Variants in CDH17 observed in about 807,000 individuals in gnomAD.
The protein encoded by CDH17 is cadherin-17.
Under a neutral mutation model 86.3 loss-of-function variants are expected in CDH17, and 67 were observed. That is an observed-to-expected ratio of 0.78 (90% CI 0.64 to 0.95). The LOEUF is 0.95. CDH17 is among the 40% of genes least tolerant of loss of function. The pLI is 0.00. For synonymous variants in CDH17, 367 were observed against 366.4 expected (o/e 1.00, Z -0.02); for missense variants, 993 against 1,017.6 (o/e 0.98, Z 0.33).
chr8:94,149,492 G>A (rs958983797), intron 13 of CDH17, among the ~76,000 whole-genome samples: 2 of 152,152 alleles, frequency 1.3e-5, no homozygotes, highest in Non-Finnish European at 2.9e-5. Context: ...AACAGAGGGG[G>A]CCCTATGGAA....
intron 3 of CDH17, among the ~76,000 whole-genome samples, chr8:94,185,059 A>C (rs1305415651): frequency 1.3e-5 from 2 of 152,102 alleles, no homozygotes; most frequent in Non-Finnish European, 2.9e-5. Flanking sequence ...AGATGGAGAG[A>C]GCAAAATGTG....
At chr8:94,168,307 T>TTC (rs1180375438) in intron 9 of CDH17, among the ~76,000 whole-genome samples, 1 of 146,858 alleles carries the variant, frequency 6.8e-6, no homozygotes, top group Non-Finnish European at 1.5e-5. Flanking sequence ...TGCAGTTTTT[T>TTC]TTTTTTTTTT....
intron 15 of CDH17, 32 bp from the exon 16 acceptor site, chr8:94,131,024 A>C: frequency 9.2e-7 from 1 of 1,088,912 alleles, no homozygotes; most frequent in Non-Finnish European, 1.4e-6. Context: ...ATGAAAATAC[A>C]ACTTCAGACC....
At position 94,200,622 on chromosome 8, in the gene CDH17, C is replaced by T. The variant is rs1287613289; in HGVS notation, c.-20-5917G>A. Among the ~76,000 whole-genome samples, 12 of 146,324 alleles carry T rather than the reference C, an allele frequency of 8.2e-5. No individual in the cohort carries two copies. In the Admixed American group the frequency reaches 8.3e-4, roughly 10 times the overall value. On this transcript the variant is annotated intron_variant, in intron 1 of 17. Coordinates refer to ENST00000027335, the MANE Select transcript of CDH17 (RefSeq NM_004063.4). ...CTCGGTTCCCAAACTGTGGCTGCCCCTCACCCAATGGGCACCACCATGACC... is the reference window on the plus strand; with the variant it reads ...CTCGGTTCCCAAACTGTGGCTGCCCTTCACCCAATGGGCACCACCATGACC...
At chr8:94,203,785 A>G (rs1349179830) in intron 1 of CDH17, among the ~76,000 whole-genome samples, 1 of 150,690 alleles carries the variant, frequency 6.6e-6, no homozygotes, top group Admixed American at 6.6e-5. Context: ...TGGGGAGGGA[A>G]TGGGCAGCTG....
intron 15 of CDH17, 32 bp downstream of exon 15, chr8:94,145,896 A>C (rs753402138): frequency 5.6e-6 from 9 of 1,597,676 alleles, no homozygotes; most frequent in Middle Eastern, 1.7e-4. Context: ...TCATCCATCT[A>C]TGTTTTTTTC....
At chr8:94,180,653 T>A (rs1331234207) in intron 3 of CDH17, among the ~76,000 whole-genome samples, 1 of 152,020 alleles carries the variant, frequency 6.6e-6, no homozygotes, top group African/African-American at 2.4e-5. Flanking sequence ...TCCCAGCACT[T>A]TGGGAGGCTG....
chr8:94,177,484 G>A, intron 4 of CDH17, 103 bp downstream of exon 4: 1 of 1,221,842 alleles, frequency 8.2e-7, no homozygotes, highest in Non-Finnish European at 1.2e-6. Context: ...AAGGAAAGCT[G>A]TAACTGGATT....
rs181672936 is a variant in CDH17, at chr8:94,176,089, G to A, written c.424+452C>T. On this transcript the variant is annotated intron_variant, in intron 5 of 17. Transcript: ENST00000027335. The stretch of plus-strand genomic sequence containing the variant: ...TTTTGTAGAGACAGGATCTCACTTT[G>A]TTGCCCAGGCTGGTCTCAAACTCCC... Among the ~76,000 whole-genome samples, 6 of 152,162 alleles carry A rather than the reference G, an allele frequency of 3.9e-5. No individual in the cohort carries two copies. In the East Asian group the frequency reaches 1.2e-3, roughly 30 times the overall value.
Position 94,148,726 on chromosome 8 carries a change from T to TTTTTTTTTTTTTTTTTTC in CDH17, c.1927+17_1927+18insGAAAAAAAAAAAAAAAAA. ...ATCTGTGTTCCTTTTTTTTTGTTTT[T>TTTTTTTTTTTTTTTTTTC]TTTTTTTTTTTGCTTACCTACTTCT... On this transcript the variant is annotated intron_variant, in intron 14 of 17. Transcript: ENST00000027335. 1 of 1,418,658 alleles carries TTTTTTTTTTTTTTTTTTC rather than the reference T, an allele frequency of 7.0e-7. No homozygotes were observed. Among genetic ancestry groups the TTTTTTTTTTTTTTTTTTC allele is most frequent in the Non-Finnish European group, 9.2e-7 (1 of 1,091,654 alleles). 87.9% of individuals were successfully genotyped at this position (1,418,658 alleles called of 1,614,324 possible). A position where few individuals can be genotyped will look rare whatever the true frequency, so the allele number is the denominator to read the frequency against.
chr8:94,198,949 T>C (rs1813838232), intron 1 of CDH17, among the ~76,000 whole-genome samples: 1 of 151,002 alleles, frequency 6.6e-6, no homozygotes, highest in South Asian at 2.1e-4. Flanking sequence ...AGGTTCTATC[T>C]TCATGGAGCT....
chr8:94,145,664 T>C (rs555216266), intron 15 of CDH17, among the ~76,000 whole-genome samples: 3 of 152,300 alleles, frequency 2.0e-5, no homozygotes, highest in Non-Finnish European at 2.9e-5. Context: ...CCATCTGTCA[T>C]TGAAAATTTT....
chr8:94,164,445 A>G (rs1369786051), intron 10 of CDH17, among the ~76,000 whole-genome samples: 2 of 152,192 alleles, frequency 1.3e-5, no homozygotes, highest in Non-Finnish European at 2.9e-5. Flanking sequence ...GAAAGAATGG[A>G]CTGTTGATAG....
rs1813350973 is a variant in CDH17 at position 94,175,265 on chromosome 8, T to C, written c.425-1005A>G. Reference sequence around the variant, plus strand: ...TGAAACCAAAAAGTTTGAGAGCCATTTCTCTAGCAGATTCTATTAGTGAAG... The same window carrying C: ...TGAAACCAAAAAGTTTGAGAGCCATCTCTCTAGCAGATTCTATTAGTGAAG... On this transcript the variant is annotated intron_variant, in intron 5 of 17. Transcript: ENST00000027335. Among the ~76,000 whole-genome samples, 2 of 152,230 alleles carry C rather than the reference T, an allele frequency of 1.3e-5. 1 individual carries two copies. Among genetic ancestry groups the C allele is most frequent in the Admixed American group, 1.3e-4 (2 of 15,276 alleles).
intron 2 of CDH17, among the ~76,000 whole-genome samples, chr8:94,189,859 T>A (rs191212934): frequency 6.6e-6 from 1 of 152,364 alleles, no homozygotes; most frequent in Non-Finnish European, 1.5e-5. Context: ...ACTATAACTT[T>A]AAGCAAAGCT....
chr8:94,179,530 A>G (rs1262650916), intron 3 of CDH17, among the ~76,000 whole-genome samples: 1 of 152,232 alleles, frequency 6.6e-6, no homozygotes, highest in Non-Finnish European at 1.5e-5. Flanking sequence ...TGCCTGGGAA[A>G]GACCTGAGAA....
intron 5 of CDH17, among the ~76,000 whole-genome samples, chr8:94,175,344 T>C (rs1165491683): frequency 6.6e-6 from 1 of 151,960 alleles, no homozygotes; most frequent in Non-Finnish European, 1.5e-5. Context: ...GTGTGAGTCT[T>C]TGGTATGCAG....
intron 14 of CDH17, among the ~76,000 whole-genome samples, chr8:94,148,237 C>A (rs1812783100): frequency 1.3e-5 from 2 of 152,112 alleles, no homozygotes; most frequent in Admixed American, 1.3e-4. Context: ...AGGTGTTTTT[C>A]ACCTTTAACA....
At chr8:94,182,133 C>CA (rs1250915997) in intron 3 of CDH17, among the ~76,000 whole-genome samples, 1 of 152,040 alleles carries the variant, frequency 6.6e-6, no homozygotes, top group Non-Finnish European at 1.5e-5. Context: ...TATTAGTAAT[C>CA]AAAAAATTTC....
Sources: gnomAD v4.1 joint callset for allele counts (sites outside exome capture counted in the v4.1 genomes callset) on GRCh38, gnomAD v4.1.1 for gene constraint, MANE v1.5 for transcripts, NCBI Gene and HGNC (gene_info 2026-07-23, HGNC 2026-07-21) for gene names.